CSMD1: variants seen among roughly 807,000 people sequenced by gnomAD.
CSMD1 encodes CUB and sushi domain-containing protein 1.
In CSMD1, 213 loss-of-function variants were observed where a neutral mutation model predicts 417.5. That is an observed-to-expected ratio of 0.51 (90% CI 0.46 to 0.57). CSMD1 has a LOEUF of 0.57. Among genes scored for constraint, CSMD1 ranks in the 20% least tolerant of loss-of-function variants. CSMD1 has a pLI of 0.00. For missense variants in CSMD1, 6,923 were observed against 4,529.7 expected (o/e 1.53, Z -15.17); for synonymous variants, 2,862 against 1,736.8 (o/e 1.65, Z -16.11).
chr8:3,630,986 C>T (rs1347779682), intron 7 of CSMD1, among the ~76,000 whole-genome samples: 1 of 152,112 alleles, frequency 6.6e-6, no homozygotes, highest in South Asian at 2.1e-4. Flanking sequence ...ATTGATGTGA[C>T]CTAGAATGGG....
chr8:3,052,739 T>G (rs1811942384), intron 49 of CSMD1, 92 bp from the exon 50 acceptor site: 3 of 847,162 alleles, frequency 3.5e-6, no homozygotes, highest in East Asian at 3.3e-5. Flanking sequence ...TATTATTGAC[T>G]CCATTTTTCA....
At chr8:4,659,518 G>T (rs1041068996) in intron 1 of CSMD1, among the ~76,000 whole-genome samples, 18 of 152,266 alleles carry the variant, frequency 1.2e-4, no homozygotes, top group African/African-American at 3.6e-4. Context: ...AACATGCTAA[G>T]TGGAAGAAGC....
intron 23 of CSMD1, among the ~76,000 whole-genome samples, chr8:3,331,506 C>G (rs1008724706): frequency 6.6e-6 from 1 of 152,194 alleles, no homozygotes; most frequent in Non-Finnish European, 1.5e-5. Flanking sequence ...GGTGCTGCCA[C>G]TCACTAATGA....
At chr8:4,907,335 A>G (rs1467973232) in intron 1 of CSMD1, among the ~76,000 whole-genome samples, 1 of 152,186 alleles carries the variant, frequency 6.6e-6, no homozygotes, top group Non-Finnish European at 1.5e-5. Flanking sequence ...ATTAACCTTC[A>G]GACAAAACGG....
intron 1 of CSMD1, among the ~76,000 whole-genome samples, chr8:4,776,559 G>A (rs1380661012): frequency 6.6e-6 from 1 of 152,078 alleles, no homozygotes; most frequent in Non-Finnish European, 1.5e-5. Flanking sequence ...TCCACTACGG[G>A]CTGCATTGTT....
intron 7 of CSMD1, among the ~76,000 whole-genome samples, chr8:3,691,056 C>T (rs1001969028): frequency 5.3e-5 from 8 of 151,972 alleles, no homozygotes; most frequent in Admixed American, 1.3e-4. Flanking sequence ...ACACACATGG[C>T]GACATCCTCT....
At position 3,219,408 on chromosome 8, in the gene CSMD1, T is replaced by C; in HGVS notation, c.4519A>G (p.Ile1507Val). The change falls in exon 29 of 70, where the codon ATC becomes GTC. Residue 1507 changes from isoleucine to valine, a missense_variant. Transcript: ENST00000635120. ...NMEPSYDFLHIYEGEDSNSPL... is the reference protein window; with the variant it reads ...NMEPSYDFLHVYEGEDSNSPL... ...CTGTTGGAATCTTCCCCTTCATAGA[T>C]GTGTAGGAAGTCATAGCTGGGCTCC... The C allele has an allele frequency of 6.5e-7, 1 of 1,549,540 alleles. No homozygotes were observed. The highest frequency in any genetic ancestry group is 1.2e-5 in the South Asian group (1 of 82,572).
intron 5 of CSMD1, among the ~76,000 whole-genome samples, chr8:3,935,102 C>T (rs1211670896): frequency 6.6e-6 from 1 of 152,118 alleles, no homozygotes; most frequent in Admixed American, 6.6e-5. Context: ...CTTAAAACAA[C>T]ATGCCTTCTC....
chr8:4,314,661 G>C (rs6982554), intron 3 of CSMD1, among the ~76,000 whole-genome samples: 17,350 of 152,084 alleles, frequency 0.11, 3,081 homozygotes, highest in African/African-American at 0.38. Flanking sequence ...ATTACCATTT[G>C]TGAGTTAAGT....
chr8:3,041,532 A>G (rs570003744), intron 50 of CSMD1, among the ~76,000 whole-genome samples: 1 of 152,336 alleles, frequency 6.6e-6, no homozygotes, highest in African/African-American at 2.4e-5. Context: ...TGAAATGTCA[A>G]TGTAAGTGTT....
At chr8:3,791,948 G>C (rs540754745) in intron 5 of CSMD1, among the ~76,000 whole-genome samples, 6 of 152,274 alleles carry the variant, frequency 3.9e-5, no homozygotes, top group Admixed American at 2.6e-4. Flanking sequence ...CAACCTAATA[G>C]CTTATTATCC....
intron 3 of CSMD1, among the ~76,000 whole-genome samples, chr8:4,389,634 C>G (rs1179874659): frequency 6.6e-6 from 1 of 152,136 alleles, no homozygotes; most frequent in South Asian, 2.1e-4. Flanking sequence ...CTCCACAAAT[C>G]GTAGTATCCA....
At chr8:3,069,805 C>T (rs907440280) in intron 49 of CSMD1, among the ~76,000 whole-genome samples, 8 of 152,334 alleles carry the variant, frequency 5.3e-5, no homozygotes, top group Admixed American at 2.6e-4. Flanking sequence ...CCCCACATTT[C>T]CCTTGGCACT....
chr8:4,923,922 G>T (rs4341186), intron 1 of CSMD1, among the ~76,000 whole-genome samples: 37,920 of 152,102 alleles, frequency 0.25, 6,033 homozygotes, highest in Non-Finnish European at 0.36. Flanking sequence ...GGGTTCTATG[G>T]AGGAAAGAAA....
intron 4 of CSMD1, among the ~76,000 whole-genome samples, chr8:4,016,023 C>T (rs746836919): frequency 9.9e-5 from 15 of 152,140 alleles, no homozygotes; most frequent in Non-Finnish European, 1.9e-4. Flanking sequence ...GTCTTTCAGC[C>T]TTGGACATGA....
chr8:3,979,136 C>T (rs12674744), intron 5 of CSMD1, among the ~76,000 whole-genome samples: 7 of 152,162 alleles, frequency 4.6e-5, no homozygotes, highest in African/African-American at 1.7e-4. Flanking sequence ...AAACATGGGG[C>T]CTCAGGCCCT....
At chr8:4,108,319 A>C (rs1801676768) in intron 3 of CSMD1, among the ~76,000 whole-genome samples, 1 of 152,110 alleles carries the variant, frequency 6.6e-6, no homozygotes, top group African/African-American at 2.4e-5. Flanking sequence ...CAATTGTAAA[A>C]ATTGGGTGTT....
intron 3 of CSMD1, among the ~76,000 whole-genome samples, chr8:4,282,640 C>T (rs937631907): frequency 1.3e-5 from 2 of 152,128 alleles, no homozygotes; most frequent in Non-Finnish European, 2.9e-5. Context: ...ATGCATTCAC[C>T]TTTTCAGTTT....
intron 8 of CSMD1, among the ~76,000 whole-genome samples, chr8:3,590,439 C>A (rs1372375687): frequency 6.6e-6 from 1 of 152,092 alleles, no homozygotes; most frequent in South Asian, 2.1e-4. Flanking sequence ...AGATTTCCAC[C>A]AAAGGAAAGT....
Sources: gnomAD v4.1 joint callset for allele counts (sites outside exome capture counted in the v4.1 genomes callset) on GRCh38, gnomAD v4.1.1 for gene constraint, MANE v1.5 for transcripts, NCBI Gene and HGNC (gene_info 2026-07-23, HGNC 2026-07-21) for gene names.